The following PUDP variants were observed in gnomAD, a reference collection of about 807,000 sequenced individuals.
PUDP encodes the protein pseudouridine-5'-phosphatase.
PUDP carries 8 observed loss-of-function variants against 9.4 expected under a neutral mutation model. That is an observed-to-expected ratio of 0.85 (90% CI 0.50 to 1.53). The LOEUF (loss-of-function observed/expected upper bound fraction) is 1.53. Among genes scored for constraint, PUDP ranks in the 40% most tolerant of loss-of-function variants. The probability of loss-of-function intolerance (pLI) is 0.00; values close to 1 mark genes in which losing one functional copy is unlikely to be tolerated. For synonymous variants in PUDP, 99 were observed against 80.7 expected (o/e 1.23, Z -1.22); for missense variants, 188 against 189.7 (o/e 0.99, Z 0.05).
At chrX:6,922,412 AAAAT>A (rs1334205519) in intron 3 of PUDP, among the ~76,000 whole-genome samples, 6 of 112,015 alleles carry the variant, frequency 5.4e-5, no homozygotes, top group Non-Finnish European at 9.4e-5. Flanking sequence ...TTTAAATTAA[AAAAT>A]AAATAGATAT....
chrX:6,738,059 C>T (rs781100678), intron 3 of PUDP, among the ~76,000 whole-genome samples: 17 of 111,264 alleles, frequency 1.5e-4, no homozygotes, highest in African/African-American at 5.2e-4. Context: ...ATGAAGATGC[C>T]ATCATGGCAC....
At chrX:6,801,903 T>C (rs1925940838) in intron 3 of PUDP, among the ~76,000 whole-genome samples, 1 of 111,802 alleles carries the variant, frequency 8.9e-6, no homozygotes, top group African/African-American at 3.3e-5. Context: ...TCAGACAGCA[T>C]GACATAAAAG....
intron 1 of PUDP, among the ~76,000 whole-genome samples, chrX:6,715,192 T>C (rs1372228158): frequency 9.0e-6 from 1 of 111,602 alleles, no homozygotes; most frequent in East Asian, 2.8e-4. Flanking sequence ...TTGACCCATA[T>C]TATTTTTTCA....
chrX:6,730,932 T>C (rs749290201), intron 3 of PUDP, among the ~76,000 whole-genome samples: 2 of 112,114 alleles, frequency 1.8e-5, no homozygotes, highest in South Asian at 7.5e-4. Flanking sequence ...AGAGCTGACG[T>C]TGGATCTTTA....
intron 1 of PUDP, among the ~76,000 whole-genome samples, chrX:6,991,483 G>A (rs1929175821): frequency 9.1e-6 from 1 of 110,270 alleles, no homozygotes; most frequent in South Asian, 4.0e-4. Flanking sequence ...TTCAAAACCA[G>A]CCTGGGCAAC....
intron 3 of PUDP, among the ~76,000 whole-genome samples, chrX:6,749,902 T>C (rs1925045794): frequency 8.9e-6 from 1 of 112,147 alleles, no homozygotes; most frequent in Non-Finnish European, 1.9e-5. Flanking sequence ...CTCCCTTTCC[T>C]TCCAGCAATG....
intron 1 of PUDP, among the ~76,000 whole-genome samples, chrX:7,002,993 C>T (rs1929348411): frequency 9.1e-6 from 1 of 110,444 alleles, no homozygotes; most frequent in Admixed American, 9.6e-5. Flanking sequence ...TCCACATATT[C>T]AGGTAGGGAG....
At chrX:6,932,648 G>C (rs898580064) in intron 3 of PUDP, among the ~76,000 whole-genome samples, 45 of 111,762 alleles carry the variant, frequency 4.0e-4, no homozygotes, top group Non-Finnish European at 8.3e-4. Flanking sequence ...CACCGTGCGC[G>C]AGCCGAAGCA....
At chrX:6,811,593 G>T (rs1403998926) in intron 3 of PUDP, among the ~76,000 whole-genome samples, 2 of 109,305 alleles carry the variant, frequency 1.8e-5, no homozygotes, top group African/African-American at 6.7e-5. Context: ...GGGATTACAG[G>T]TGTGACAGGT....
intron 2 of PUDP, among the ~76,000 whole-genome samples, chrX:7,095,083 G>A (rs1931535517): frequency 8.9e-6 from 1 of 112,058 alleles, no homozygotes; most frequent in South Asian, 3.7e-4. Context: ...GCTCAGCCCT[G>A]TGACCCGTGT....
At chrX:6,984,741 C>T (rs1035550365) in intron 1 of PUDP, among the ~76,000 whole-genome samples, 30 of 111,408 alleles carry the variant, frequency 2.7e-4, no homozygotes, top group Middle Eastern at 9.2e-3. Flanking sequence ...ATACTGCCTC[C>T]GAATCCATGG....
At chrX:6,734,769 C>CTAA (rs1280409973) in intron 3 of PUDP, among the ~76,000 whole-genome samples, 4 of 111,138 alleles carry the variant, frequency 3.6e-5, no homozygotes, top group East Asian at 2.8e-4. Context: ...GACCCTGTCT[C>CTAA]TAATAATAAT....
chrX:6,820,196 C>T (rs1449421018), intron 3 of PUDP, among the ~76,000 whole-genome samples: 17 of 109,712 alleles, frequency 1.5e-4, no homozygotes, highest in African/African-American at 5.3e-4. Flanking sequence ...TTCACTATCA[C>T]GAGAATAGCA....
chrX:6,813,505 C>T (rs1926178526), intron 3 of PUDP, among the ~76,000 whole-genome samples: 1 of 111,300 alleles, frequency 9.0e-6, no homozygotes, highest in African/African-American at 3.3e-5. Flanking sequence ...CACCCAGTAG[C>T]CAGTCTAATA....
At chrX:6,734,384 G>A (rs998955540) in intron 3 of PUDP, among the ~76,000 whole-genome samples, 1 of 111,998 alleles carries the variant, frequency 8.9e-6, no homozygotes, top group African/African-American at 3.2e-5. Context: ...ATGAGATGAT[G>A]GATATGTTAA....
At chrX:6,912,323 T>G (rs891266111) in intron 3 of PUDP, among the ~76,000 whole-genome samples, 1 of 112,279 alleles carries the variant, frequency 8.9e-6, no homozygotes, top group Non-Finnish European at 1.9e-5. Flanking sequence ...ATTAGCATCT[T>G]TCTTGCATAT....
At chrX:7,140,968 C>T (rs1156481019) in intron 1 of PUDP, among the ~76,000 whole-genome samples, 4 of 111,421 alleles carry the variant, frequency 3.6e-5, no homozygotes, top group African/African-American at 1.3e-4. Context: ...CACCATGAAC[C>T]GCACCCATAT....
intron 3 of PUDP, among the ~76,000 whole-genome samples, chrX:6,937,060 G>C (rs1928315270): frequency 9.4e-6 from 1 of 106,250 alleles, no homozygotes; most frequent in Non-Finnish European, 1.9e-5. Flanking sequence ...TACTGCCCAA[G>C]GTAATCTACA....
intron 3 of PUDP, among the ~76,000 whole-genome samples, chrX:6,877,447 C>T (rs1490290377): frequency 8.9e-6 from 1 of 111,799 alleles, no homozygotes; most frequent in Non-Finnish European, 1.9e-5. Flanking sequence ...GGCAGAGAAG[C>T]ATGCGGTGCC....
Sources: allele counts gnomAD v4.1 joint callset (sites outside exome capture counted in the v4.1 genomes callset), GRCh38; gene constraint gnomAD v4.1.1; transcripts MANE v1.5; gene names NCBI Gene and HGNC (gene_info 2026-07-23, HGNC 2026-07-21).